The following TMEM30A variants were observed in gnomAD, a reference collection of about 807,000 sequenced individuals.
TMEM30A encodes the protein cell cycle control protein 50A.
TMEM30A carries 24 observed loss-of-function variants against 38.2 expected under a neutral mutation model. That is an observed-to-expected ratio of 0.63 (90% CI 0.46 to 0.88). The LOEUF is 0.88. TMEM30A is among the 40% of genes least tolerant of loss of function. The pLI, the probability that TMEM30A is intolerant of heterozygous loss-of-function variation, is 0.00. For synonymous variants in TMEM30A, 145 were observed against 161.6 expected (o/e 0.90, Z 0.78); for missense variants, 370 against 458.6 (o/e 0.81, Z 1.77).
intron 1 of TMEM30A, among the ~76,000 whole-genome samples, chr6:75,272,152 C>G (rs1328011552): frequency 6.6e-6 from 1 of 152,206 alleles, no homozygotes; most frequent in African/African-American, 2.4e-5. Flanking sequence ...TGAATGTATA[C>G]TAAGTGCTGG....
chr6:75,256,425 C>G lies in TMEM30A; in HGVS notation c.893-130G>C, dbSNP rs888417109. 8 of 621,548 alleles carry G rather than the reference C, an allele frequency of 1.3e-5. No individual in the cohort carries two copies. In the Admixed American group the frequency reaches 1.6e-4, roughly 13 times the overall value. The allele number at this position is 621,548 out of a possible 1,614,324, so 38.5% of individuals were successfully genotyped here. ...AGGATATACAGGTACCTCACTCCTA[C>G]GTTCTAAATCACACACACACACACA... On this transcript the variant is annotated intron_variant, in intron 6 of 6. Transcript: ENST00000230461.
At chr6:75,275,609 T>C (rs779712183) in intron 1 of TMEM30A, among the ~76,000 whole-genome samples, 1 of 152,186 alleles carries the variant, frequency 6.6e-6, no homozygotes, top group Non-Finnish European at 1.5e-5. Context: ...TTACACCCCA[T>C]ATATCAATTG....
intron 4 of TMEM30A, 69 bp from the exon 5 acceptor site, chr6:75,259,559 G>T: frequency 2.2e-6 from 3 of 1,346,586 alleles, no homozygotes; most frequent in Non-Finnish European, 3.0e-6. Context: ...TTAACTCTAT[G>T]AGAAATAAGG....
chr6:75,270,077 T>C (rs1772140060), intron 1 of TMEM30A, among the ~76,000 whole-genome samples: 1 of 152,194 alleles, frequency 6.6e-6, no homozygotes, highest in African/African-American at 2.4e-5. Context: ...GTGCTGAGAT[T>C]ACAGGTGTAA....
chr6:75,278,321 TTCTA>T (rs1226225804), intron 1 of TMEM30A, among the ~76,000 whole-genome samples: 1 of 152,206 alleles, frequency 6.6e-6, no homozygotes, highest in Non-Finnish European at 1.5e-5. Flanking sequence ...TCAATTTCTA[TTCTA>T]TCTTTTTTTC....
Position 75,259,292 on chromosome 6 carries a change from A to T in TMEM30A, c.685+55T>A, listed in dbSNP as rs547254615. On this transcript the variant is annotated intron_variant, in intron 5 of 6. Transcript: ENST00000230461. The stretch of plus-strand genomic sequence containing the variant: ...AGATTCTGAAGATAGAAAATTTAAA[A>T]TACTTCATTAAAACTCCTAGTTTAA... The T allele has an allele frequency of 9.8e-6, 15 of 1,526,970 alleles. No individual in the cohort carries two copies. In the South Asian group the frequency reaches 1.9e-4, roughly 19 times the overall value. The allele number at this position is 1,526,970 out of a possible 1,614,324, so 94.6% of individuals were successfully genotyped here. A position where few individuals can be genotyped will look rare whatever the true frequency, so the allele number is the denominator to read the frequency against.
Position 75,253,404 on chromosome 6 carries a change from A to G in TMEM30A, c.*2698T>C, listed in dbSNP as rs868748979. ...CTGTAACTCAGATGATAATCTGACC[A>G]CTTCCTGGTAAGAACAAATGGTTAA... On this transcript the variant is annotated 3_prime_UTR_variant, in exon 7 of 7. Transcript: ENST00000230461. 3 of 152,348 alleles carry G rather than the reference A, an allele frequency of 2.0e-5. No individual in the cohort carries two copies. Among genetic ancestry groups the G allele is most frequent in the South Asian group, 2.1e-4 (1 of 4,832 alleles). The allele number at this position is 152,348 out of a possible 1,614,324, so 9.4% of individuals were successfully genotyped here.
chr6:75,259,024 T>C, intron 5 of TMEM30A, 38 bp from the exon 6 acceptor site: 2 of 1,535,378 alleles, frequency 1.3e-6, no homozygotes, highest in Non-Finnish European at 1.8e-6. Flanking sequence ...AGACAAAATA[T>C]TACATTGTGA....
At position 75,255,821 on chromosome 6, in the gene TMEM30A, T is replaced by A; in HGVS notation, c.*281A>T. 7.2e-6 allele frequency: 2 copies of A among 279,120 alleles called. No homozygotes were observed. Among genetic ancestry groups the A allele is most frequent in the Non-Finnish European group, 1.3e-5 (2 of 148,496 alleles). The allele number at this position is 279,120 out of a possible 1,614,324, so 17.3% of individuals were successfully genotyped here. The stretch of plus-strand genomic sequence containing the variant: ...TAGACACAAGTCACATGAAAGAGGC[T>A]CTATGCATCATGTGGCCTGTCCGAA... On this transcript the variant is annotated 3_prime_UTR_variant, in exon 7 of 7. Transcript: ENST00000230461.
chr6:75,267,472 C>A (rs527777970), intron 2 of TMEM30A, among the ~76,000 whole-genome samples, 169 bp downstream of exon 2: 1 of 152,236 alleles, frequency 6.6e-6, no homozygotes, highest in South Asian at 2.1e-4. Flanking sequence ...TACCAGACAG[C>A]AAAATCCAAC....
chr6:75,261,030 A>T, intron 3 of TMEM30A, 119 bp from the exon 4 acceptor site: 1 of 608,098 alleles, frequency 1.6e-6, no homozygotes, highest in Non-Finnish European at 2.8e-6. Context: ...CTTATAATAC[A>T]CAGGTCTGTA....
chr6:75,277,182 A>T (rs1452103915), intron 1 of TMEM30A, among the ~76,000 whole-genome samples: 1 of 152,114 alleles, frequency 6.6e-6, no homozygotes, highest in African/African-American at 2.4e-5. Context: ...CTTTTTAAAC[A>T]GATTGTGTGG....
chr6:75,269,243 T>G (rs1772125188), intron 1 of TMEM30A, among the ~76,000 whole-genome samples: 1 of 152,170 alleles, frequency 6.6e-6, no homozygotes, highest in Admixed American at 6.5e-5. Flanking sequence ...ATAATGAGTA[T>G]CCACCATTAT....
At chr6:75,261,517 G>A (rs1771964225) in intron 3 of TMEM30A, among the ~76,000 whole-genome samples, 1 of 152,196 alleles carries the variant, frequency 6.6e-6, no homozygotes, top group Non-Finnish European at 1.5e-5. Context: ...ACATTTGCCT[G>A]TGGTCCAGAT....
chr6:75,265,352 G>C lies in TMEM30A; in HGVS notation c.346-14C>G, dbSNP rs1772051064. 6.6e-7 allele frequency: 1 copy of C among 1,504,562 alleles called. No individual in the cohort carries two copies. The highest frequency in any genetic ancestry group is 2.0e-5 in the Admixed American group (1 of 49,760). The allele number at this position is 1,504,562 out of a possible 1,614,324, so 93.2% of individuals were successfully genotyped here. A position where few individuals can be genotyped will look rare whatever the true frequency, so the allele number is the denominator to read the frequency against. On this transcript the variant is annotated splice_polypyrimidine_tract_variant and intron_variant, in intron 2 of 6. Transcript: ENST00000230461. ...AAACACGTTGCCCTAGAGAAACAGA[G>C]AGGGAAAAAATTTTCATATAAAAAC...
At chr6:75,267,549 A>G (rs2149521069) in intron 2 of TMEM30A, 92 bp downstream of exon 2, 1 of 846,706 alleles carries the variant, frequency 1.2e-6, no homozygotes, top group East Asian at 2.8e-5. Context: ...AGACTTCTCT[A>G]TAAAAGGAAA....
At chr6:75,276,427 C>T (rs557693486) in intron 1 of TMEM30A, among the ~76,000 whole-genome samples, 1 of 152,260 alleles carries the variant, frequency 6.6e-6, no homozygotes, top group East Asian at 1.9e-4. Flanking sequence ...TGGGACTGAG[C>T]CCCTACCCTG....
chr6:75,256,481 A>C (rs1004203476), intron 6 of TMEM30A, among the ~76,000 whole-genome samples, 186 bp from the exon 7 acceptor site: 7 of 152,156 alleles, frequency 4.6e-5, no homozygotes, highest in Non-Finnish European at 5.9e-5. Context: ...CTGATTTAGC[A>C]AACTAAATGT....
At chr6:75,259,632 T>G in intron 4 of TMEM30A, 142 bp from the exon 5 acceptor site, 1 of 597,490 alleles carries the variant, frequency 1.7e-6, no homozygotes, top group Non-Finnish European at 2.7e-6. Context: ...ATTTGTTCTT[T>G]ATTCCTATGT....
Sources: allele counts gnomAD v4.1 joint callset (sites outside exome capture counted in the v4.1 genomes callset), GRCh38; gene constraint gnomAD v4.1.1; transcripts MANE v1.5; gene names NCBI Gene and HGNC (gene_info 2026-07-23, HGNC 2026-07-21).